The following CORIN variants were observed in gnomAD, a reference collection of about 807,000 sequenced individuals.
CORIN encodes atrial natriuretic peptide-converting enzyme.
Under a neutral mutation model 125.3 loss-of-function variants are expected in CORIN, and 117 were observed. That is an observed-to-expected ratio of 0.93 (90% confidence interval 0.80 to 1.09). The LOEUF (loss-of-function observed/expected upper bound fraction) is 1.09. CORIN is among the 50% of genes least tolerant of loss of function. The pLI is 0.00. For synonymous variants in CORIN, 450 were observed against 466.4 expected (o/e 0.96, Z 0.45); for missense variants, 1,253 against 1,306.7 (o/e 0.96, Z 0.63).
rs1357944399 is a variant in CORIN at position 47,623,926 on chromosome 4, T to A, written c.2338A>T (p.Lys780Ter). Residue 780 changes from lysine to a stop codon, truncating the protein, a stop_gained, in exon 18 of 22, where the codon AAA becomes TAA. Coordinates refer to ENST00000273857, the MANE Select transcript of CORIN (RefSeq NM_006587.4). LOFTEE classifies it high-confidence loss of function. ...VNGQSCESRS[K>*]ISLLCTKQDC... ...TGTTTAGTACACAGAAGAGAAATTT[T>A]ACTTCTGCTCTCACAAGACTGCCTG... 16 of 1,613,782 alleles carry A rather than the reference T, an allele frequency of 9.9e-6. No homozygotes were observed. Among genetic ancestry groups the A allele is most frequent in the Non-Finnish European group, 1.3e-5 (15 of 1,179,762 alleles).
chr4:47,670,320 T>C (rs1278790305), intron 10 of CORIN, among the ~76,000 whole-genome samples: 1 of 152,222 alleles, frequency 6.6e-6, no homozygotes, highest in Non-Finnish European at 1.5e-5. Flanking sequence ...TCAATCTTTT[T>C]TTCACTTATT....
rs1293409568 is a variant in CORIN, at chr4:47,748,147, T to A, written c.618-3564A>T. On this transcript the variant is annotated intron_variant, in intron 4 of 21. Transcript: ENST00000273857. ...GAAATAGTGATGGGGTATTAATAAC[T>A]AGCAACACTTTCCAACAGTGAGCAA... 2.6e-5 allele frequency among the ~76,000 whole-genome samples: 4 copies of A among 152,214 alleles called. No individual in the cohort carries two copies. The East Asian group carries it at 7.7e-4, about 29-fold the overall frequency.
At chr4:47,743,444 T>C (rs1025626952) in intron 5 of CORIN, among the ~76,000 whole-genome samples, 8 of 152,344 alleles carry the variant, frequency 5.3e-5, no homozygotes, top group Non-Finnish European at 7.4e-5. Flanking sequence ...CCCATCAAAA[T>C]TGTTAAAATG....
intron 14 of CORIN, among the ~76,000 whole-genome samples, chr4:47,644,517 T>G (rs182612433): frequency 6.6e-6 from 1 of 152,340 alleles, no homozygotes; most frequent in Non-Finnish European, 1.5e-5. Flanking sequence ...TTAAGAGACA[T>G]AATTATTTTC....
chr4:47,800,613 G>A (rs1424933993), intron 2 of CORIN, among the ~76,000 whole-genome samples: 1 of 152,208 alleles, frequency 6.6e-6, no homozygotes, highest in African/African-American at 2.4e-5. Flanking sequence ...AGGTCTGGAA[G>A]GGTGTTGACT....
At chr4:47,696,486 G>A (rs552548902) in intron 5 of CORIN, among the ~76,000 whole-genome samples, 1 of 152,148 alleles carries the variant, frequency 6.6e-6, no homozygotes, top group African/African-American at 2.4e-5. Context: ...CCCAAATAGA[G>A]CATATATTCT....
intron 3 of CORIN, among the ~76,000 whole-genome samples, chr4:47,785,861 G>A (rs185383943): frequency 1.0e-4 from 15 of 143,926 alleles, no homozygotes; most frequent in Non-Finnish European, 2.0e-4. Context: ...GCAGTGAGCT[G>A]AGATTGTGCT....
intron 5 of CORIN, among the ~76,000 whole-genome samples, chr4:47,697,885 A>T (rs950156065): frequency 3.3e-5 from 5 of 152,096 alleles, no homozygotes; most frequent in Non-Finnish European, 5.9e-5. Context: ...TGGAAAATAG[A>T]AATATCTAAT....
intron 5 of CORIN, among the ~76,000 whole-genome samples, chr4:47,696,284 A>C (rs1466857449): frequency 1.3e-5 from 2 of 152,232 alleles, no homozygotes; most frequent in Non-Finnish European, 2.9e-5. Flanking sequence ...ATGAGAAGTC[A>C]TGCTATACAA....
At chr4:47,812,741 C>T (rs761543564) in intron 1 of CORIN, among the ~76,000 whole-genome samples, 1 of 152,160 alleles carries the variant, frequency 6.6e-6, no homozygotes, top group Non-Finnish European at 1.5e-5. Context: ...GCAAATATTG[C>T]CCTTTTCTCA....
chr4:47,653,869 G>A (rs763422664), intron 12 of CORIN, among the ~76,000 whole-genome samples: 28 of 152,266 alleles, frequency 1.8e-4, no homozygotes, highest in Admixed American at 7.8e-4. Flanking sequence ...CTAGATACGC[G>A]GTTTAACATC....
At chr4:47,711,365 G>A (rs924842336) in intron 5 of CORIN, among the ~76,000 whole-genome samples, 3 of 152,344 alleles carry the variant, frequency 2.0e-5, no homozygotes, top group African/African-American at 7.2e-5. Flanking sequence ...TTCCCTTTGT[G>A]ATAGGTGCAG....
intron 19 of CORIN, among the ~76,000 whole-genome samples, chr4:47,609,150 T>C (rs779514348): frequency 1.3e-5 from 2 of 152,212 alleles, no homozygotes; most frequent in Non-Finnish European, 2.9e-5. Flanking sequence ...AATAAAGATA[T>C]ACCACACTAT....
intron 21 of CORIN, among the ~76,000 whole-genome samples, chr4:47,597,885 T>TTG (rs1183520469): frequency 2.0e-5 from 3 of 152,156 alleles, no homozygotes; most frequent in Non-Finnish European, 4.4e-5. Flanking sequence ...TCAGCTTGGG[T>TTG]AACAAGGATA....
intron 4 of CORIN, among the ~76,000 whole-genome samples, chr4:47,754,901 T>G (rs757116486): frequency 3.3e-5 from 5 of 152,182 alleles, no homozygotes; most frequent in Non-Finnish European, 5.9e-5. Flanking sequence ...CCCCAAAACC[T>G]TCAAGTAGAT....
At chr4:47,600,121 G>A in intron 21 of CORIN, 93 bp downstream of exon 21, 1 of 1,130,666 alleles carries the variant, frequency 8.8e-7, no homozygotes, top group Non-Finnish European at 1.2e-6. Context: ...TTCAAAAAAT[G>A]TTTCCAAAGG....
At chr4:47,727,164 T>A (rs1043756994) in intron 5 of CORIN, among the ~76,000 whole-genome samples, 3 of 152,034 alleles carry the variant, frequency 2.0e-5, no homozygotes, top group Non-Finnish European at 4.4e-5. Flanking sequence ...TTAAAAATAA[T>A]TTTAATGATA....
intron 16 of CORIN, among the ~76,000 whole-genome samples, chr4:47,632,762 G>GATAGATAA (rs1429128402): frequency 7.4e-6 from 1 of 135,152 alleles, no homozygotes; most frequent in African/African-American, 2.7e-5. Context: ...TAGATAGATA[G>GATAGATAA]ATAGAGATAG....
chr4:47,749,689 T>C (rs1728816704), intron 4 of CORIN, among the ~76,000 whole-genome samples: 1 of 152,314 alleles, frequency 6.6e-6, no homozygotes. Flanking sequence ...CTAATACACT[T>C]TTCTTGACAC....
Sources: gnomAD v4.1 joint callset for allele counts (sites outside exome capture counted in the v4.1 genomes callset) on GRCh38, gnomAD v4.1.1 for gene constraint, MANE v1.5 for transcripts, NCBI Gene and HGNC (gene_info 2026-07-23, HGNC 2026-07-21) for gene names.